The following ZNF77 variants were observed in gnomAD, a reference collection of about 807,000 sequenced individuals.
ZNF77 encodes the protein zinc finger protein 77, also known as ZNFpT1.
A neutral mutation model predicts 13.5 loss-of-function variants in ZNF77; 15 were observed. The observed-to-expected ratio is 1.11, with a 90% CI of 0.74 to 1.71. ZNF77 has a LOEUF of 1.71. ZNF77 is among the 40% of genes most tolerant of loss of function. The pLI is 0.00. For synonymous variants in ZNF77, 282 were observed against 250.0 expected, an observed-to-expected ratio of 1.13 and a Z score of -1.21; for missense variants, 717 against 676.4, an observed-to-expected ratio of 1.06 and a Z score of -0.67.
At chr19:2,941,938 G>GT (rs1408461711) in intron 1 of ZNF77, among the ~76,000 whole-genome samples, 2 of 152,088 alleles carry the variant, frequency 1.3e-5, no homozygotes, top group Non-Finnish European at 2.9e-5. Context: ...CGTCTTCCGA[G>GT]TTTGAGAGTT....
intron 1 of ZNF77, among the ~76,000 whole-genome samples, chr19:2,940,602 G>A (rs1167950557): frequency 1.3e-5 from 2 of 151,380 alleles, no homozygotes; most frequent in Non-Finnish European, 2.9e-5. Context: ...GAACCCAGGA[G>A]GCAGAGGTTG....
At chr19:2,941,689 G>A (rs1395011244) in intron 1 of ZNF77, among the ~76,000 whole-genome samples, 1 of 152,122 alleles carries the variant, frequency 6.6e-6, no homozygotes, top group African/African-American at 2.4e-5. Flanking sequence ...TTGTTCGTCA[G>A]TCCCCTAATC....
At position 2,933,390 on chromosome 19, in the gene ZNF77, T is replaced by C; in HGVS notation, c.*99A>G. ...ATTTTTAGGTACAAAATAAGTGCTATACCAGGTTTTCCTACATGCTCTACA... is the reference window on the plus strand; with the variant it reads ...ATTTTTAGGTACAAAATAAGTGCTACACCAGGTTTTCCTACATGCTCTACA... On this transcript the variant is annotated 3_prime_UTR_variant, in exon 4 of 4. Transcript: ENST00000314531. 1.4e-6 allele frequency: 2 copies of C among 1,415,138 alleles called. No homozygotes were observed. The highest frequency in any genetic ancestry group is 2.6e-4 in the Middle Eastern group (1 of 3,798). 87.7% of individuals were successfully genotyped at this position (1,415,138 alleles called of 1,614,324 possible).
intron 2 of ZNF77, among the ~76,000 whole-genome samples, chr19:2,938,541 A>G (rs1181371969): frequency 1.3e-5 from 2 of 152,172 alleles, no homozygotes; most frequent in African/African-American, 4.8e-5. Context: ...CTAAATATCA[A>G]TCATACACAA....
chr19:2,944,926 C>G lies in ZNF77; in HGVS notation c.-86G>C, dbSNP rs1218720078. The G allele has an allele frequency of 2.7e-6, 4 of 1,460,780 alleles. No homozygotes were observed. The Admixed American group carries it at 1.0e-4, about 37-fold the overall frequency. 90.5% of individuals were successfully genotyped at this position (1,460,780 alleles called of 1,614,324 possible). A position where few individuals can be genotyped will look rare whatever the true frequency, so the allele number is the denominator to read the frequency against. On this transcript the variant is annotated 5_prime_UTR_variant, in exon 1 of 4. Coordinates refer to ENST00000314531, the MANE Select transcript of ZNF77 (RefSeq NM_021217.3). ...TGAGCACGACAGGACACCTGAGCCG[C>G]TCGGGGTAGGCGGGGAAGCGCGCAA...
At chr19:2,936,743 G>A in intron 2 of ZNF77, 39 bp from the exon 3 acceptor site, 1 of 1,561,974 alleles carries the variant, frequency 6.4e-7, no homozygotes. Flanking sequence ...GGAGAAATAT[G>A]TTGGGATAAA....
At position 2,933,542 on chromosome 19, in the gene ZNF77, A is replaced by C. The variant is rs1444815381; in HGVS notation, c.1585T>G (p.Phe529Val). ...PYECKQCGKT[F>V]RYLASLQAHV... is the part of the protein sequence containing the mutation. The stretch of plus-strand genomic sequence containing the variant: ...GCTTGAAGCGATGCGAGATACCTGA[A>C]GGTTTTCCCACACTGCTTGCATTCA... The change falls in exon 4 of 4, where the codon TTC becomes GTC. Residue 529 changes from phenylalanine to valine, a missense_variant. Transcript: ENST00000314531. 6.2e-7 allele frequency: 1 copy of C among 1,607,182 alleles called. No homozygotes were observed. Among genetic ancestry groups the C allele is most frequent in the East Asian group, 2.2e-5 (1 of 44,730 alleles).
chr19:2,944,825 G>T lies in ZNF77; in HGVS notation c.3+13C>A. The T allele has an allele frequency of 1.3e-6, 2 of 1,521,764 alleles. No homozygotes were observed. The highest frequency in any genetic ancestry group is 8.8e-7 in the Non-Finnish European group (1 of 1,141,028). 94.3% of individuals were successfully genotyped at this position (1,521,764 alleles called of 1,614,324 possible). A position where few individuals can be genotyped will look rare whatever the true frequency, so the allele number is the denominator to read the frequency against. On this transcript the variant is annotated intron_variant, in intron 1 of 3. Transcript: ENST00000314531. Reference sequence around the variant, plus strand: ...CGCCCTGGGCCCGGGCTCGGCTCCCGCCCGGCACTCACCATGTCCCGCCCG... The same window carrying T: ...CGCCCTGGGCCCGGGCTCGGCTCCCTCCCGGCACTCACCATGTCCCGCCCG...
chr19:2,943,073 C>T (rs1409655929), intron 1 of ZNF77, among the ~76,000 whole-genome samples: 3 of 152,076 alleles, frequency 2.0e-5, no homozygotes, highest in African/African-American at 4.8e-5. Flanking sequence ...TGAGCCACCG[C>T]GCCAGGCCTA....
chr19:2,934,352 C>A lies in ZNF77; in HGVS notation c.775G>T (p.Val259Leu), dbSNP rs146262812. The A allele has an allele frequency of 6.2e-7, 1 of 1,614,160 alleles. No homozygotes were observed. The highest frequency in any genetic ancestry group is 8.5e-7 in the Non-Finnish European group (1 of 1,180,032). Reference sequence around the variant, plus strand: ...GGTTTCTCTCCTGTGTGAGTTCTTACGTGCCGTGTAAGGTAGGAGTAATAC... The same window carrying A: ...GGTTTCTCTCCTGTGTGAGTTCTTAAGTGCCGTGTAAGGTAGGAGTAATAC... The part of the protein sequence containing the change: ...FMYYSYLTRH[V>L]RTHTGEKPYE... The change falls in exon 4 of 4, where the codon GTA (valine) becomes TTA (leucine). Residue 259 changes from valine (V) to leucine (L), a missense_variant. Physicochemically the swap from Val to Leu is conservative, Grantham distance 32. Transcript: ENST00000314531.
Position 2,934,259 on chromosome 19 carries a change from G to A in ZNF77, c.868C>T (p.His290Tyr), listed in dbSNP as rs1185655944. The A allele has an allele frequency of 5.6e-6, 9 of 1,613,392 alleles. No individual in the cohort carries two copies. The highest frequency in any genetic ancestry group is 7.6e-6 in the Non-Finnish European group (9 of 1,179,516). Residue 290 changes from histidine (H) to tyrosine (Y), a missense_variant, in exon 4 of 4, where the codon CAC (histidine) becomes TAC (tyrosine). Coordinates refer to ENST00000314531, the MANE Select transcript of ZNF77 (RefSeq NM_021217.3). ...CATTCATACGGTTTCTCTCCAGTGT[G>A]TGTTCTGACATGTTCTCGAAAGTAT... is the stretch of plus-strand genomic sequence containing the variant. ...PSYFREHVRT[H>Y]TGEKPYECKH...
chr19:2,944,946 G>T lies in ZNF77; in HGVS notation c.-106C>A, dbSNP rs938793977. On this transcript the variant is annotated 5_prime_UTR_variant, in exon 1 of 4. Transcript: ENST00000314531. ...AGCCGCTCGGGGTAGGCGGGGAAGC[G>T]CGCAAGGCAGAGGGGAACTCGGCTT... The T allele has an allele frequency of 5.7e-6, 8 of 1,398,764 alleles. No homozygotes were observed. The African/African-American group carries it at 1.0e-4, about 18-fold the overall frequency. The allele number at this position is 1,398,764 out of a possible 1,614,324, so 86.6% of individuals were successfully genotyped here.
intron 1 of ZNF77, among the ~76,000 whole-genome samples, chr19:2,942,733 TA>T (rs59812062): frequency 6.6e-6 from 1 of 151,936 alleles, no homozygotes; most frequent in African/African-American, 2.4e-5. Flanking sequence ...ACGACTTAGA[TA>T]AGATTCACGC....
In ZNF77 at chr19:2,933,944, A is replaced by C. The variant is rs61741564; in HGVS notation, c.1183T>G (p.Phe395Val). 5.6e-6 allele frequency: 9 copies of C among 1,613,148 alleles called. No homozygotes were observed. The South Asian group carries it at 8.8e-5, about 16-fold the overall frequency. ...CTGTGTGTTTTCACATGTCTTCTAA[A>C]GTAAGTGGGACATCCGAAGGCCTTC... The part of the protein sequence containing the change: ...CGKAFGCPTY[F>V]RRHVKTHSGV... Residue 395 changes from phenylalanine to valine, a missense_variant, in exon 4 of 4, where the codon TTT becomes GTT. By Grantham distance (50) the Phe-to-Val change is conservative (BLOSUM62 -1). Coordinates refer to ENST00000314531, the MANE Select transcript of ZNF77 (RefSeq NM_021217.3).
At position 2,933,465 on chromosome 19, in the gene ZNF77, C is replaced by T; in HGVS notation, c.*24G>A. ...ACAAGGTTTTACGGTTGAACACTCT[C>T]CCAGGTCCACTGTATTCGTAGATTC... is the stretch of plus-strand genomic sequence containing the variant. On this transcript the variant is annotated 3_prime_UTR_variant, in exon 4 of 4. Coordinates refer to ENST00000314531, the MANE Select transcript of ZNF77 (RefSeq NM_021217.3). 1 of 1,527,156 alleles carries T rather than the reference C, an allele frequency of 6.5e-7. No individual in the cohort carries two copies. Among genetic ancestry groups the T allele is most frequent in the South Asian group, 1.3e-5 (1 of 75,386 alleles). The allele number at this position is 1,527,156 out of a possible 1,614,324, so 94.6% of individuals were successfully genotyped here.
rs570560663 is a variant in ZNF77 at position 2,937,355 on chromosome 19, C to T, written c.131-651G>A. ...AAAAAATCAGCCGGGCATAGTGGCA[C>T]GTGCCTGTAATCCCAGCTACTCGGG... On this transcript the variant is annotated intron_variant, in intron 2 of 3. Coordinates refer to ENST00000314531, the MANE Select transcript of ZNF77 (RefSeq NM_021217.3). Among the ~76,000 whole-genome samples the T allele has an allele frequency of 7.2e-5, 11 of 151,998 alleles. No individual in the cohort carries two copies. In the South Asian group the frequency reaches 1.5e-3, roughly 20 times the overall value.
At position 2,934,653 on chromosome 19, in the gene ZNF77, G is replaced by T. The variant is rs753086070; in HGVS notation, c.474C>A (p.His158Gln). Reference protein sequence around the residue: ...GKAFENRQRSHTGQRPCKECG... With the variant: ...GKAFENRQRSQTGQRPCKECG... ...ATTCCTTACACGGTCTCTGTCCAGTGTGAGATCTCTGCCGATTCTCGAAGG... is the reference window on the plus strand; with the variant it reads ...ATTCCTTACACGGTCTCTGTCCAGTTTGAGATCTCTGCCGATTCTCGAAGG... The change falls in exon 4 of 4, where the codon CAC (histidine) becomes CAA (glutamine). Residue 158 changes from histidine to glutamine, a missense_variant. By Grantham distance (24) the His-to-Gln change is conservative (BLOSUM62 0). Coordinates refer to ENST00000314531, the MANE Select transcript of ZNF77 (RefSeq NM_021217.3). 1.9e-6 allele frequency: 3 copies of T among 1,614,172 alleles called. No homozygotes were observed. Among genetic ancestry groups the T allele is most frequent in the Non-Finnish European group, 1.7e-6 (2 of 1,180,028 alleles).
At position 2,938,120 on chromosome 19, in the gene ZNF77, C is replaced by G. The variant is rs911427761; in HGVS notation, c.130+1161G>C. ...CTTCTTATCCAGAACCCACTCCTCC[C>G]GAGGGCTGCTGCTCTCCTGGTGCTC... On this transcript the variant is annotated intron_variant, in intron 2 of 3. Coordinates refer to ENST00000314531, the MANE Select transcript of ZNF77 (RefSeq NM_021217.3). Among the ~76,000 whole-genome samples the G allele has an allele frequency of 2.0e-5, 3 of 152,128 alleles. No individual in the cohort carries two copies. The South Asian group carries it at 6.2e-4, about 32-fold the overall frequency.
At position 2,934,521 on chromosome 19, in the gene ZNF77, G is replaced by A. The variant is rs10423550; in HGVS notation, c.606C>T (p.Tyr202=). ...CQDSRTASVT[Y]VKSLSSKKSY... is the part of the protein sequence containing the mutation. ...ACTTTTTACTGCTGAGACTTTTCAC[G>A]TATGTCACAGATGCTGTCCTTGAGT... The change falls in exon 4 of 4, where the codon TAC becomes TAT. Residue 202 remains tyrosine (Y), a synonymous_variant. Transcript: ENST00000314531. 22,485 of 1,614,074 alleles carry A rather than the reference G, an allele frequency of 0.014. 2,723 individuals are homozygous for A. In the African/African-American group the frequency reaches 0.26, roughly 19 times the overall value.
Sources: gnomAD v4.1 joint callset for allele counts (sites outside exome capture counted in the v4.1 genomes callset) on GRCh38, gnomAD v4.1.1 for gene constraint, MANE v1.5 for transcripts, NCBI Gene and HGNC (gene_info 2026-07-23, HGNC 2026-07-21) for gene names.